Variants in ST8SIA4 observed in about 807,000 individuals in gnomAD.
The protein encoded by ST8SIA4 is CMP-N-acetylneuraminate-poly-alpha-2,8-sialyltransferase.
A neutral mutation model predicts 33.9 loss-of-function variants in ST8SIA4; 15 were observed. The observed-to-expected ratio is 0.44, with a 90% CI of 0.30 to 0.68. ST8SIA4 has a LOEUF of 0.68. ST8SIA4 is among the 30% of genes least tolerant of loss of function. The pLI is 0.10. For missense variants in ST8SIA4, 321 were observed against 428.0 expected (o/e 0.75, Z 2.21); for synonymous variants, 171 against 151.2 (o/e 1.13, Z -0.96).
At chr5:100,831,323 T>C (rs1015418748) in intron 4 of ST8SIA4, among the ~76,000 whole-genome samples, 1 of 152,156 alleles carries the variant, frequency 6.6e-6, no homozygotes, top group Admixed American at 6.5e-5. Context: ...CAGGTAGCTG[T>C]TTACTGAACC....
At chr5:100,884,689 A>T (rs1286114964) in intron 3 of ST8SIA4, among the ~76,000 whole-genome samples, 1 of 152,196 alleles carries the variant, frequency 6.6e-6, no homozygotes, top group Non-Finnish European at 1.5e-5. Flanking sequence ...GTAGTTTAGG[A>T]ATTGAAATAA....
At chr5:100,902,476 A>G (rs1752941951) in intron 1 of ST8SIA4, among the ~76,000 whole-genome samples, 1 of 152,182 alleles carries the variant, frequency 6.6e-6, no homozygotes, top group Non-Finnish European at 1.5e-5. Context: ...AGGTGATAGG[A>G]CATTGAAAAC....
chr5:100,839,316 AC>A (rs1251131737), intron 4 of ST8SIA4, among the ~76,000 whole-genome samples: 1 of 151,994 alleles, frequency 6.6e-6, no homozygotes, highest in Non-Finnish European at 1.5e-5. Flanking sequence ...AATATGGCAC[AC>A]CATCAATCAA....
intron 3 of ST8SIA4, among the ~76,000 whole-genome samples, chr5:100,880,115 C>T (rs1752384370): frequency 6.6e-6 from 1 of 152,144 alleles, no homozygotes. Context: ...CTCTTTCCCT[C>T]CCTTTCTTCT....
intron 4 of ST8SIA4, among the ~76,000 whole-genome samples, chr5:100,836,884 G>A (rs1751374053): frequency 6.6e-6 from 1 of 151,822 alleles, no homozygotes. Flanking sequence ...TAATACTTTG[G>A]AGACTTACTT....
intron 3 of ST8SIA4, among the ~76,000 whole-genome samples, chr5:100,869,588 G>A (rs1444024283): frequency 6.6e-6 from 1 of 152,034 alleles, no homozygotes; most frequent in Non-Finnish European, 1.5e-5. Flanking sequence ...TTCCAAGTGT[G>A]AATATGCTCA....
chr5:100,862,409 T>G (rs1213600862), intron 3 of ST8SIA4, among the ~76,000 whole-genome samples: 1 of 152,180 alleles, frequency 6.6e-6, no homozygotes, highest in African/African-American at 2.4e-5. Flanking sequence ...TATTTCTTTA[T>G]TTATTTTGAG....
intron 3 of ST8SIA4, among the ~76,000 whole-genome samples, chr5:100,865,208 T>A (rs1210813335): frequency 6.6e-6 from 1 of 152,220 alleles, no homozygotes; most frequent in Non-Finnish European, 1.5e-5. Context: ...TCTGTCCCTT[T>A]GCTGCTAGGC....
intron 4 of ST8SIA4, among the ~76,000 whole-genome samples, chr5:100,820,729 T>C (rs1751016737): frequency 6.6e-6 from 1 of 152,148 alleles, no homozygotes; most frequent in South Asian, 2.1e-4. Flanking sequence ...ACTCCCAAAC[T>C]ACATGAGTGA....
At chr5:100,881,206 C>T (rs1194302779) in intron 3 of ST8SIA4, among the ~76,000 whole-genome samples, 2 of 152,190 alleles carry the variant, frequency 1.3e-5, no homozygotes, top group Admixed American at 6.5e-5. Context: ...AAAACTCCAG[C>T]AAGCCTATCT....
At chr5:100,896,223 A>G (rs1248797267) in intron 1 of ST8SIA4, among the ~76,000 whole-genome samples, 1 of 152,108 alleles carries the variant, frequency 6.6e-6, no homozygotes, top group Non-Finnish European at 1.5e-5. Context: ...AGAGGAATAG[A>G]TAACGAAAAT....
At chr5:100,849,323 G>C (rs1219077203) in intron 4 of ST8SIA4, 15 of 985,274 alleles carry the variant, frequency 1.5e-5, no homozygotes, top group Non-Finnish European at 1.8e-5. Context: ...CTTGTCTAAA[G>C]TCAGAATAGG....
chr5:100,892,703 T>C (rs953564448), intron 2 of ST8SIA4, among the ~76,000 whole-genome samples: 35 of 152,262 alleles, frequency 2.3e-4, no homozygotes, highest in South Asian at 6.2e-4. Context: ...TTCAAAGATT[T>C]ATAATGATAG....
chr5:100,869,783 G>T (rs1021886282), intron 3 of ST8SIA4, among the ~76,000 whole-genome samples: 1 of 152,032 alleles, frequency 6.6e-6, no homozygotes, highest in Non-Finnish European at 1.5e-5. Context: ...GCATATCTTG[G>T]CTTTTCCCCT....
At chr5:100,841,120 A>G (rs1751462353) in intron 4 of ST8SIA4, among the ~76,000 whole-genome samples, 1 of 151,904 alleles carries the variant, frequency 6.6e-6, no homozygotes, top group Non-Finnish European at 1.5e-5. Context: ...TTTTGTTGTC[A>G]TGTTGGTAAT....
rs764044964 is a variant in ST8SIA4, at chr5:100,886,643, T to C, written c.246-43A>G. On this transcript the variant is annotated intron_variant, in intron 2 of 4. Transcript: ENST00000231461. The stretch of plus-strand genomic sequence containing the variant: ...GCAAAGTTTTACATTACCATCAGCA[T>C]ATCCAAGAACTGATGGTGTCATTTA... 31 of 1,497,190 alleles carry C rather than the reference T, an allele frequency of 2.1e-5. No homozygotes were observed. The East Asian group carries it at 2.3e-4, about 11-fold the overall frequency. 92.7% of individuals were successfully genotyped at this position (1,497,190 alleles called of 1,614,324 possible).
chr5:100,825,150 T>C (rs1349296184), intron 4 of ST8SIA4, among the ~76,000 whole-genome samples: 1 of 152,194 alleles, frequency 6.6e-6, no homozygotes, highest in Non-Finnish European at 1.5e-5. Context: ...TAGAGTGGGA[T>C]ATAAGTAGAA....
At chr5:100,890,249 C>T (rs913600340) in intron 2 of ST8SIA4, among the ~76,000 whole-genome samples, 5 of 151,552 alleles carry the variant, frequency 3.3e-5, no homozygotes, top group African/African-American at 1.2e-4. Context: ...GATGTAATGG[C>T]GAATTAAAAG....
rs1394689071 is a variant in ST8SIA4 at position 100,895,785 on chromosome 5, T to C, written c.114A>G (p.Gly38=). ...TEEHQETQLI[G]DGELSLSRSL... is the part of the protein sequence containing the mutation. ...ACCGACTCAAAGACAATTCACCATC[T>C]CTGAAACAAAACAAAATTGCCAGCT... Residue 38 remains glycine (G), a splice_region_variant and synonymous_variant, in exon 2 of 5, where the codon GGA becomes GGG. Transcript: ENST00000231461. 1 of 1,611,486 alleles carries C rather than the reference T, an allele frequency of 6.2e-7. No individual in the cohort carries two copies. Among genetic ancestry groups the C allele is most frequent in the African/African-American group, 1.3e-5 (1 of 74,762 alleles).
Sources: gnomAD v4.1 joint callset for allele counts (sites outside exome capture counted in the v4.1 genomes callset) on GRCh38, gnomAD v4.1.1 for gene constraint, MANE v1.5 for transcripts, NCBI Gene and HGNC (gene_info 2026-07-23, HGNC 2026-07-21) for gene names.